The following CCT6B variants were observed in gnomAD, a reference collection of about 807,000 sequenced individuals.
The protein encoded by CCT6B is chaperonin containing TCP1 subunit 6B, also known as probable T-complex protein 1 subunit zeta-2.
A neutral mutation model predicts 61.5 loss-of-function variants in CCT6B; 49 were observed. The ratio of observed to expected loss-of-function variants is 0.80; its 90% confidence interval spans 0.63 to 1.01. The LOEUF is 1.01. Ranked by LOEUF, CCT6B falls within the 50% of genes least tolerant of loss-of-function variation. The pLI, the probability that CCT6B is intolerant of heterozygous loss-of-function variation, is 0.00. For missense variants in CCT6B, 666 were observed against 634.7 expected (o/e 1.05, Z -0.53); for synonymous variants, 228 against 214.5 (o/e 1.06, Z -0.55).
At chr17:34,932,851 G>T (rs1019494798) in intron 10 of CCT6B, among the ~76,000 whole-genome samples, 2 of 151,982 alleles carry the variant, frequency 1.3e-5, no homozygotes, top group Non-Finnish European at 2.9e-5. Flanking sequence ...GCATGATCTT[G>T]ACTCACTCCA....
At chr17:34,928,664 A>G (rs533314078) in intron 13 of CCT6B, among the ~76,000 whole-genome samples, 1 of 152,350 alleles carries the variant, frequency 6.6e-6, no homozygotes, top group South Asian at 2.1e-4. Flanking sequence ...TATTTTTACA[A>G]TATCATTTGA....
At chr17:34,952,235 G>C (rs1383126781) in intron 4 of CCT6B, among the ~76,000 whole-genome samples, 182 bp from the exon 5 acceptor site, 1 of 152,142 alleles carries the variant, frequency 6.6e-6, no homozygotes, top group African/African-American at 2.4e-5. Context: ...AGACACTTTA[G>C]AGTCTAAAGA....
rs529744095 is a variant in CCT6B, at chr17:34,952,974, C to T, written c.511-921G>A. On this transcript the variant is annotated intron_variant, in intron 4 of 13. Coordinates refer to ENST00000314144, the MANE Select transcript of CCT6B (RefSeq NM_006584.4). ...ATTCAAGTACTCTAACAGCAGAAAA[C>T]ACAGCAGAGCCTTTCTTCTGACTCT... 8.8e-4 allele frequency among the ~76,000 whole-genome samples: 134 copies of T among 152,250 alleles called. 1 individual carries two copies. The highest frequency in any genetic ancestry group is 1.7e-3 in the Non-Finnish European group (115 of 68,004).
In CCT6B at chr17:34,939,242, G is replaced by A; in HGVS notation, c.1154C>T (p.Thr385Ile). Residue 385 changes from threonine to isoleucine, a missense_variant, in exon 10 of 14, where the codon ACA becomes ATA. Transcript: ENST00000314144. ...LVKGPNKHTL[T>I]QVKDAIRDGL... is the part of the protein sequence containing the mutation. ...ATCTCTTATGGCATCCTTGACTTGT[G>A]TGAGAGTATGCTTATTTGGTCCTTT... 1 of 1,613,748 alleles carries A rather than the reference G, an allele frequency of 6.2e-7. No individual in the cohort carries two copies.
At chr17:34,929,424 A>G (rs2090008513) in intron 12 of CCT6B, among the ~76,000 whole-genome samples, 1 of 151,012 alleles carries the variant, frequency 6.6e-6, no homozygotes, top group South Asian at 2.1e-4. Flanking sequence ...CCAGACTTTT[A>G]GATTTAAACC....
intron 10 of CCT6B, among the ~76,000 whole-genome samples, chr17:34,934,036 G>C (rs562436945): frequency 3.3e-5 from 5 of 151,754 alleles, no homozygotes; most frequent in Non-Finnish European, 5.9e-5. Context: ...GGCTAAGGTG[G>C]GAGGACTGCC....
At position 34,945,152 on chromosome 17, in the gene CCT6B, A is replaced by G. The variant is rs185403195; in HGVS notation, c.615-2246T>C. Among the ~76,000 whole-genome samples, 219 of 152,194 alleles carry G rather than the reference A, an allele frequency of 1.4e-3. 1 individual carries two copies. Among genetic ancestry groups the G allele is most frequent in the Non-Finnish European group, 2.4e-3 (162 of 67,984 alleles). ...TCCACCTCATCTTTTCAAACTCTAA[A>G]CATCCAAGTTCCTAGGGATCATGCT... On this transcript the variant is annotated intron_variant, in intron 5 of 13. Coordinates refer to ENST00000314144, the MANE Select transcript of CCT6B (RefSeq NM_006584.4).
intron 10 of CCT6B, among the ~76,000 whole-genome samples, chr17:34,936,797 A>G (rs921868722): frequency 6.6e-6 from 1 of 152,192 alleles, no homozygotes; most frequent in African/African-American, 2.4e-5. Flanking sequence ...GATGATATTC[A>G]TGAGTTAGAA....
chr17:34,960,418 G>A (rs2090398763), intron 1 of CCT6B, among the ~76,000 whole-genome samples: 1 of 152,086 alleles, frequency 6.6e-6, no homozygotes, highest in Non-Finnish European at 1.5e-5. Context: ...CTTTGCCCAG[G>A]CCTTTACTCC....
In CCT6B at chr17:34,927,989, G is replaced by T; in HGVS notation, c.*59C>A. On this transcript the variant is annotated 3_prime_UTR_variant, in exon 14 of 14. Coordinates refer to ENST00000314144, the MANE Select transcript of CCT6B (RefSeq NM_006584.4). ...GAATGGCTCAGGCTACACAATAGTA[G>T]TCAGATGTAAAGTGTACTAAATTTC... The T allele has an allele frequency of 8.2e-7, 1 of 1,218,318 alleles. No homozygotes were observed. Among genetic ancestry groups the T allele is most frequent in the Non-Finnish European group, 1.2e-6 (1 of 839,760 alleles). The allele number at this position is 1,218,318 out of a possible 1,614,324, so 75.5% of individuals were successfully genotyped here. A position where few individuals can be genotyped will look rare whatever the true frequency, so the allele number is the denominator to read the frequency against.
chr17:34,939,059 G>T, intron 10 of CCT6B, 124 bp downstream of exon 10: 1 of 774,374 alleles, frequency 1.3e-6, no homozygotes, highest in Admixed American at 2.6e-5. Context: ...ACTAAAGCCT[G>T]GGCAACAGAG....
chr17:34,928,211 T>C, intron 13 of CCT6B, 94 bp from the exon 14 acceptor site: 1 of 672,970 alleles, frequency 1.5e-6, no homozygotes, highest in Non-Finnish European at 2.6e-6. Flanking sequence ...ACTTTGTTCT[T>C]TAATGATGTT....
chr17:34,961,442 T>C lies in CCT6B; in HGVS notation c.-49A>G. On this transcript the variant is annotated 5_prime_UTR_variant, in exon 1 of 14. Coordinates refer to ENST00000314144, the MANE Select transcript of CCT6B (RefSeq NM_006584.4). ...AAAAAAAAAGCCTTAGTCGCGATTC[T>C]GAGCAAAAACGGCAATGCGACGCCA... 3 of 1,562,698 alleles carry C rather than the reference T, an allele frequency of 1.9e-6. No individual in the cohort carries two copies. The highest frequency in any genetic ancestry group is 2.6e-6 in the Non-Finnish European group (3 of 1,159,078).
chr17:34,928,439 A>G (rs2089994307), intron 13 of CCT6B, among the ~76,000 whole-genome samples: 1 of 151,756 alleles, frequency 6.6e-6, no homozygotes, highest in African/African-American at 2.4e-5. Flanking sequence ...CGCCTGGCTA[A>G]TTTTTGTATT....
chr17:34,934,844 CA>C lies in CCT6B; in HGVS notation c.1214-2345del, dbSNP rs200954086. 2.9e-4 allele frequency among the ~76,000 whole-genome samples: 44 copies of C among 152,052 alleles called. No homozygotes were observed. The East Asian group carries it at 8.3e-3, about 29-fold the overall frequency. ...TATGAGTACAGCATTGTTCTAACAC[CA>C]AAAAAGATAAAAGCATTACAAGAAA... On this transcript the variant is annotated intron_variant, in intron 10 of 13. Coordinates refer to ENST00000314144, the MANE Select transcript of CCT6B (RefSeq NM_006584.4).
chr17:34,932,202 G>A (rs559994848), intron 11 of CCT6B, among the ~76,000 whole-genome samples, 165 bp downstream of exon 11: 4 of 152,284 alleles, frequency 2.6e-5, no homozygotes, highest in African/African-American at 4.8e-5. Context: ...GGCTGTTATC[G>A]CAAAAGTTTC....
In CCT6B at chr17:34,929,016, G is replaced by A; in HGVS notation, c.1469C>T (p.Ala490Val). 1 of 1,607,740 alleles carries A rather than the reference G, an allele frequency of 6.2e-7. No individual in the cohort carries two copies. The highest frequency in any genetic ancestry group is 8.5e-7 in the Non-Finnish European group (1 of 1,175,320). ...ATAATTATCCCAAACTCCTGCATCT[G>A]CTGCTACCATTGGCTCACCTGAAAA... ...DLNTGEPMVA[A>V]DAGVWDNYCV... Residue 490 changes from alanine to valine, a missense_variant, in exon 13 of 14, where the codon GCA becomes GTA. Transcript: ENST00000314144.
intron 3 of CCT6B, among the ~76,000 whole-genome samples, chr17:34,955,585 C>G (rs1447702563): frequency 2.0e-5 from 3 of 152,070 alleles, no homozygotes; most frequent in African/African-American, 7.2e-5. Context: ...TTCTATAGGT[C>G]TAAAATTATG....
intron 3 of CCT6B, 105 bp from the exon 4 acceptor site, chr17:34,954,704 C>A: frequency 1.2e-6 from 1 of 822,750 alleles, no homozygotes; most frequent in Non-Finnish European, 1.9e-6. Context: ...CACATTAATG[C>A]CATGAAATAT....
Sources: gnomAD v4.1 joint callset for allele counts (sites outside exome capture counted in the v4.1 genomes callset) on GRCh38, gnomAD v4.1.1 for gene constraint, MANE v1.5 for transcripts, NCBI Gene and HGNC (gene_info 2026-07-23, HGNC 2026-07-21) for gene names.